Variants in ABI3BP observed in about 807,000 individuals in gnomAD.
ABI3BP encodes the protein target of Nesh-SH3.
Under a neutral mutation model 268.6 loss-of-function variants are expected in ABI3BP, and 216 were observed. The observed-to-expected ratio is 0.80, with a 90% confidence interval of 0.72 to 0.90. ABI3BP has a LOEUF of 0.90. Ranked by LOEUF, ABI3BP falls within the 40% of genes least tolerant of loss-of-function variation. The probability of loss-of-function intolerance (pLI) is 0.00; values close to 1 mark genes in which losing one functional copy is unlikely to be tolerated. For synonymous variants in ABI3BP, 730 were observed against 730.0 expected (o/e 1.00, Z 0.00); for missense variants, 2,090 against 2,182.4 (o/e 0.96, Z 0.84).
rs2099153367 is a variant in ABI3BP, at chr3:100,875,542, G to A, written c.783C>T (p.Ser261=). Residue 261 remains serine, a synonymous_variant, in exon 8 of 68, where the codon TCC becomes TCT. Transcript: ENST00000471714. ...QNVTHKDSAK[S]PEKAPLGGVI... ...CTCCTCCCAGTGGAGCTTTTTCTGGGGATTTAGCTGAATCCTTGTGAGTAA... is the reference window on the plus strand; with the variant it reads ...CTCCTCCCAGTGGAGCTTTTTCTGGAGATTTAGCTGAATCCTTGTGAGTAA... 1.9e-6 allele frequency: 3 copies of A among 1,613,258 alleles called. No homozygotes were observed. The highest frequency in any genetic ancestry group is 3.3e-5 in the Admixed American group (2 of 60,002).
intron 5 of ABI3BP, among the ~76,000 whole-genome samples, chr3:100,885,934 ATTT>A (rs1479687857): frequency 6.6e-6 from 1 of 152,044 alleles, no homozygotes; most frequent in Non-Finnish European, 1.5e-5. Context: ...GGCATCAAAT[ATTT>A]ATTACTTATT....
chr3:100,875,400 C>A, intron 8 of ABI3BP, 108 bp downstream of exon 8: 2 of 817,490 alleles, frequency 2.4e-6, no homozygotes, highest in East Asian at 2.5e-5. Flanking sequence ...GGAAGTGAAC[C>A]ACATCAATTA....
At chr3:100,787,225 G>C (rs1309418552) in intron 57 of ABI3BP, among the ~76,000 whole-genome samples, 1 of 152,090 alleles carries the variant, frequency 6.6e-6, no homozygotes, top group Non-Finnish European at 1.5e-5. Flanking sequence ...TGAATGATTT[G>C]AAAACATTAG....
At chr3:100,857,461 A>G (rs1285822170) in intron 14 of ABI3BP, among the ~76,000 whole-genome samples, 1 of 152,222 alleles carries the variant, frequency 6.6e-6, no homozygotes, top group Admixed American at 6.5e-5. Flanking sequence ...TGAGCTGGCT[A>G]TTAACCTAGC....
intron 8 of ABI3BP, 44 bp downstream of exon 8, chr3:100,875,464 G>T (rs1279987471): frequency 3.5e-6 from 5 of 1,430,030 alleles, no homozygotes; most frequent in Admixed American, 1.8e-5. Flanking sequence ...TCAAAAGATA[G>T]CCCGATTTGC....
At chr3:100,858,276 A>G (rs942571456) in intron 14 of ABI3BP, among the ~76,000 whole-genome samples, 9 of 152,260 alleles carry the variant, frequency 5.9e-5, no homozygotes, top group African/African-American at 2.2e-4. Context: ...AACATACTTT[A>G]TAGAAGGTTT....
intron 1 of ABI3BP, among the ~76,000 whole-genome samples, chr3:100,960,865 C>T (rs2078851565): frequency 6.6e-6 from 1 of 152,190 alleles, no homozygotes. Context: ...AGTGGATTCT[C>T]ACCCTCTGGC....
chr3:100,959,761 G>T (rs986607949), intron 1 of ABI3BP, among the ~76,000 whole-genome samples: 1 of 152,136 alleles, frequency 6.6e-6, no homozygotes, highest in African/African-American at 2.4e-5. Context: ...AGAGAAATTT[G>T]AGGCCTGTGG....
intron 1 of ABI3BP, among the ~76,000 whole-genome samples, chr3:100,975,948 G>A (rs1019895861): frequency 1.3e-5 from 2 of 152,108 alleles, no homozygotes; most frequent in Admixed American, 1.3e-4. Context: ...CGAGGAACTG[G>A]CCAACTGGAT....
intron 6 of ABI3BP, among the ~76,000 whole-genome samples, chr3:100,881,037 T>A (rs1326319071): frequency 6.6e-6 from 1 of 152,190 alleles, no homozygotes; most frequent in Non-Finnish European, 1.5e-5. Context: ...AATTCACTTC[T>A]AGGATGTTCT....
intron 26 of ABI3BP, among the ~76,000 whole-genome samples, chr3:100,837,971 C>T (rs1412698145): frequency 1.3e-5 from 2 of 151,796 alleles, no homozygotes; most frequent in Admixed American, 1.3e-4. Flanking sequence ...GAAAATAGGC[C>T]TAAAAAAGCT....
intron 1 of ABI3BP, among the ~76,000 whole-genome samples, chr3:100,938,876 A>T (rs946572481): frequency 4.6e-5 from 7 of 152,128 alleles, no homozygotes; most frequent in African/African-American, 1.7e-4. Flanking sequence ...GGCATGAAAG[A>T]ACAAAGTAGG....
rs2098506687 is a variant in ABI3BP at position 100,832,291 on chromosome 3, G to A, written c.2374C>T (p.His792Tyr). 3.3e-6 allele frequency: 5 copies of A among 1,535,462 alleles called. No individual in the cohort carries two copies. The highest frequency in any genetic ancestry group is 2.4e-5 in the East Asian group (1 of 40,904). The change falls in exon 31 of 68, where the codon CAT becomes TAT. Residue 792 changes from histidine to tyrosine, a missense_variant. By Grantham distance (83) the His-to-Tyr change is moderately conservative. Transcript: ENST00000471714. ...RPHPKPKTTP[H>Y]PEVPQTKLVP... ...AGTTTAGTTTGAGGTACTTCTGGATGGGGCGTGGTTTTAGGTTTGGGATGT... is the reference window on the plus strand; with the variant it reads ...AGTTTAGTTTGAGGTACTTCTGGATAGGGCGTGGTTTTAGGTTTGGGATGT...
chr3:100,771,104 C>G (rs1040736913), intron 61 of ABI3BP, among the ~76,000 whole-genome samples, 152 bp from the exon 62 acceptor site: 1 of 152,158 alleles, frequency 6.6e-6, no homozygotes, highest in Non-Finnish European at 1.5e-5. Flanking sequence ...TAGGAAAATT[C>G]AAAATCTTGC....
chr3:100,764,626 T>C (rs2149668840), intron 63 of ABI3BP, among the ~76,000 whole-genome samples: 1 of 152,344 alleles, frequency 6.6e-6, no homozygotes, highest in South Asian at 2.1e-4. Context: ...AGTCACTTTT[T>C]ATAAAGTGGA....
intron 53 of ABI3BP, 60 bp downstream of exon 53, chr3:100,795,744 G>A (rs2097327391): frequency 1.7e-6 from 2 of 1,169,726 alleles, no homozygotes. Flanking sequence ...ATTTGAGAAA[G>A]GCCTGCAATC....
At chr3:100,896,807 G>T (rs1561408776) in intron 4 of ABI3BP, among the ~76,000 whole-genome samples, 1 of 152,092 alleles carries the variant, frequency 6.6e-6, no homozygotes, top group African/African-American at 2.4e-5. Flanking sequence ...TTAGTGGTGG[G>T]TGAAATAAAA....
Position 100,789,493 on chromosome 3 carries a change from C to T in ABI3BP, c.4048G>A (p.Val1350Met), listed in dbSNP as rs2097140622. 3 of 1,598,882 alleles carry T rather than the reference C, an allele frequency of 1.9e-6. No individual in the cohort carries two copies. The highest frequency in any genetic ancestry group is 2.6e-6 in the Non-Finnish European group (3 of 1,172,190). ...GGCTTGTCAGATGTTCTGGGCCTCA[C>T]AGTAGTATAAAATCTGTGTGGCGCT... ...TQAPHRFYTT[V>M]RPRTSDKPHI... The change falls in exon 56 of 68, where the codon GTG (valine) becomes ATG (methionine). Residue 1350 changes from valine (V) to methionine (M), a missense_variant. Val to Met is a conservative substitution (Grantham distance 21). Transcript: ENST00000471714.
intron 42 of ABI3BP, among the ~76,000 whole-genome samples, chr3:100,817,152 A>G (rs1421129313): frequency 1.3e-5 from 2 of 152,234 alleles, no homozygotes; most frequent in Non-Finnish European, 2.9e-5. Flanking sequence ...AGCTTCAGAC[A>G]TGAGTGACAT....
Sources: allele counts gnomAD v4.1 joint callset (sites outside exome capture counted in the v4.1 genomes callset), GRCh38; gene constraint gnomAD v4.1.1; transcripts MANE v1.5; gene names NCBI Gene and HGNC (gene_info 2026-07-23, HGNC 2026-07-21).